The following PTH1R variants were observed in gnomAD, a reference collection of about 807,000 sequenced individuals.
PTH1R encodes the protein parathyroid hormone/parathyroid hormone-related peptide receptor.
Under a neutral mutation model 70.7 loss-of-function variants are expected in PTH1R, and 32 were observed. The ratio of observed to expected loss-of-function variants is 0.45; its 90% CI spans 0.34 to 0.61. The LOEUF (loss-of-function observed/expected upper bound fraction) is 0.61. Among genes scored for constraint, PTH1R ranks in the 20% least tolerant of loss-of-function variants. PTH1R has a pLI of 0.01. For synonymous variants in PTH1R, 329 were observed against 324.8 expected, an observed-to-expected ratio of 1.01 and a Z score of -0.14; for missense variants, 626 against 792.5, an observed-to-expected ratio of 0.79 and a Z score of 2.52.
Position 46,896,910 on chromosome 3 carries a change from G to A in PTH1R, c.314-945G>A, listed in dbSNP as rs1000199896. On this transcript the variant is annotated intron_variant, in intron 5 of 15. Transcript: ENST00000449590. The surrounding 1 kb of genome is among the most constrained non-coding windows in gnomAD (Gnocchi z 4.1). Reference sequence around the variant, plus strand: ...AGTGGCCGTGGGAGTCTCACAGCAGGTACTCAGGGCAGGCATTGAGTGGTG... The same window carrying A: ...AGTGGCCGTGGGAGTCTCACAGCAGATACTCAGGGCAGGCATTGAGTGGTG... 3.9e-5 allele frequency among the ~76,000 whole-genome samples: 6 copies of A among 152,214 alleles called. No individual in the cohort carries two copies. The highest frequency in any genetic ancestry group is 6.5e-5 in the Admixed American group (1 of 15,288).
chr3:46,902,869 C>A lies in PTH1R; in HGVS notation c.1395+79C>A, dbSNP rs772859147. ...CTTCCTCAAGGCTCATTTCTCCATTCTTCCACCCTGTTATTTCTTTGTTCC... is the reference window on the plus strand; with the variant it reads ...CTTCCTCAAGGCTCATTTCTCCATTATTCCACCCTGTTATTTCTTTGTTCC... On this transcript the variant is annotated intron_variant, in intron 15 of 15. Coordinates refer to ENST00000449590, the MANE Select transcript of PTH1R (RefSeq NM_000316.3). This position sits in a 1 kb window ranked among gnomAD's most constrained non-coding sequence, Gnocchi z 5.4. 1 of 1,566,170 alleles carries A rather than the reference C, an allele frequency of 6.4e-7. No individual in the cohort carries two copies. The highest frequency in any genetic ancestry group is 8.8e-7 in the Non-Finnish European group (1 of 1,139,740).
intron 3 of PTH1R, among the ~76,000 whole-genome samples, chr3:46,885,975 G>A (rs760682608): frequency 6.6e-6 from 1 of 152,250 alleles, no homozygotes; most frequent in Non-Finnish European, 1.5e-5. Flanking sequence ...CATTTGGGGG[G>A]CCAAAGAGCA....
At position 46,892,455 on chromosome 3, in the gene PTH1R, G is replaced by A. The variant is rs1425492208; in HGVS notation, c.76-1452G>A. Among the ~76,000 whole-genome samples the A allele has an allele frequency of 1.3e-5, 2 of 152,192 alleles. No individual in the cohort carries two copies. Among genetic ancestry groups the A allele is most frequent in the African/African-American group, 2.4e-5 (1 of 41,450 alleles). ...ACACAAGTGCACGCGCCGGCCACTC[G>A]AGAATGCGCTGCCACTCGCGCGCGC... On this transcript the variant is annotated intron_variant, in intron 3 of 15. Coordinates refer to ENST00000449590, the MANE Select transcript of PTH1R (RefSeq NM_000316.3). This position sits in a 1 kb window ranked among gnomAD's most constrained non-coding sequence, Gnocchi z 5.2.
At chr3:46,887,525 C>T (rs1054715574) in intron 3 of PTH1R, among the ~76,000 whole-genome samples, 2 of 151,236 alleles carry the variant, frequency 1.3e-5, no homozygotes, top group Non-Finnish European at 2.9e-5. Flanking sequence ...TCCTTGATCA[C>T]TCCCAAGCCC....
chr3:46,896,765 T>G lies in PTH1R; in HGVS notation c.313+896T>G, dbSNP rs1427590086. Among the ~76,000 whole-genome samples, 2 of 152,130 alleles carry G rather than the reference T, an allele frequency of 1.3e-5. No individual in the cohort carries two copies. Among genetic ancestry groups the G allele is most frequent in the Non-Finnish European group, 2.9e-5 (2 of 68,000 alleles). On this transcript the variant is annotated intron_variant, in intron 5 of 15. Coordinates refer to ENST00000449590, the MANE Select transcript of PTH1R (RefSeq NM_000316.3). The surrounding 1 kb of genome is among the most constrained non-coding windows in gnomAD (Gnocchi z 4.1). ...AGTGGAATGTGGAAGATACAGAGGC[T>G]GGGGACCCTCCAAGGTCACTTAGCC... is the stretch of plus-strand genomic sequence containing the variant.
chr3:46,901,874 G>T lies in PTH1R; in HGVS notation c.1211+14G>T, dbSNP rs762391808. On this transcript the variant is annotated intron_variant, in intron 13 of 15. Transcript: ENST00000449590. This position sits in a 1 kb window ranked among gnomAD's most constrained non-coding sequence, Gnocchi z 7.3. ...GCAGCAGTACCGGTGAGCCCACCAT[G>T]CCTGCCATGCCCTGGCTCCTCAGGG... 6.2e-7 allele frequency: 1 copy of T among 1,607,054 alleles called. No homozygotes were observed. The highest frequency in any genetic ancestry group is 1.3e-5 in the African/African-American group (1 of 74,878).
chr3:46,883,088 GC>G lies in PTH1R; in HGVS notation c.-48-419del, dbSNP rs1180331149. Among the ~76,000 whole-genome samples, 6 of 148,834 alleles carry G rather than the reference GC, an allele frequency of 4.0e-5. No individual in the cohort carries two copies. The highest frequency in any genetic ancestry group is 8.9e-5 in the Non-Finnish European group (6 of 67,154). On this transcript the variant is annotated intron_variant, in intron 2 of 15. Coordinates refer to ENST00000449590, the MANE Select transcript of PTH1R (RefSeq NM_000316.3). This position sits in a 1 kb window ranked among gnomAD's most constrained non-coding sequence, Gnocchi z 6.4. ...AGACCGCGACCCCGACCCCTCCCCC[GC>G]CCCCTCCCCCCACTGGGCGTGGGGC...
At chr3:46,900,013 C>T (rs781438934) in intron 10 of PTH1R, among the ~76,000 whole-genome samples, 2 of 152,238 alleles carry the variant, frequency 1.3e-5, no homozygotes, top group Admixed American at 1.3e-4. Context: ...CCCAGCCCCC[C>T]ACAGGCTCTG....
At position 46,893,898 on chromosome 3, in the gene PTH1R, G is replaced by T. The variant is rs1290788092; in HGVS notation, c.76-9G>T. The T allele has an allele frequency of 6.2e-7, 1 of 1,613,672 alleles. No homozygotes were observed. Among genetic ancestry groups the T allele is most frequent in the South Asian group, 1.1e-5 (1 of 90,956 alleles). On this transcript the variant is annotated splice_polypyrimidine_tract_variant and intron_variant, in intron 3 of 15. Transcript: ENST00000449590. This position sits in a 1 kb window ranked among gnomAD's most constrained non-coding sequence, Gnocchi z 5.2. ...AGTCCTGCCTGTGGTCTGACCTTCG[G>T]CTTGGCAGGTGGATGCAGATGACGT...
intron 4 of PTH1R, 116 bp from the exon 5 acceptor site, chr3:46,895,619 C>A: frequency 6.6e-7 from 1 of 1,526,358 alleles, no homozygotes; most frequent in Non-Finnish European, 9.0e-7. Context: ...CTAGGTGTCA[C>A]CAGGGCAGGA....
intron 4 of PTH1R, 69 bp downstream of exon 4, chr3:46,894,078 C>T: frequency 1.3e-6 from 2 of 1,510,686 alleles, no homozygotes; most frequent in East Asian, 2.3e-5. Flanking sequence ...GGGCGGGACC[C>T]AGGATACAGA....
intron 3 of PTH1R, among the ~76,000 whole-genome samples, chr3:46,886,283 T>C (rs990793837): frequency 6.6e-6 from 1 of 152,168 alleles, no homozygotes; most frequent in Non-Finnish European, 1.5e-5. Context: ...CACAAGAGAC[T>C]GTGGTGTGGA....
At chr3:46,898,258 G>A in intron 7 of PTH1R, 66 bp downstream of exon 7, 2 of 1,589,320 alleles carry the variant, frequency 1.3e-6, no homozygotes, top group South Asian at 1.1e-5. Flanking sequence ...GGTGACCCCT[G>A]ACCCAGCCCT....
rs2031540533 is a variant in PTH1R at position 46,893,285 on chromosome 3, G to C, written c.76-622G>C. ...ACTCCCACCCCCAGCCAGCACCAGAGTGCCCAGCCCAACCCAGGCCGCATG... is the reference window on the plus strand; with the variant it reads ...ACTCCCACCCCCAGCCAGCACCAGACTGCCCAGCCCAACCCAGGCCGCATG... On this transcript the variant is annotated intron_variant, in intron 3 of 15. Transcript: ENST00000449590. The surrounding 1 kb of genome is among the most constrained non-coding windows in gnomAD (Gnocchi z 5.2). Among the ~76,000 whole-genome samples the C allele has an allele frequency of 6.6e-6, 1 of 152,114 alleles. No individual in the cohort carries two copies. The highest frequency in any genetic ancestry group is 2.1e-4 in the South Asian group (1 of 4,830).
chr3:46,893,029 C>T lies in PTH1R; in HGVS notation c.76-878C>T, dbSNP rs770483992. Among the ~76,000 whole-genome samples the T allele has an allele frequency of 1.3e-5, 2 of 152,186 alleles. No individual in the cohort carries two copies. Among genetic ancestry groups the T allele is most frequent in the Non-Finnish European group, 2.9e-5 (2 of 68,032 alleles). On this transcript the variant is annotated intron_variant, in intron 3 of 15. Transcript: ENST00000449590. The surrounding 1 kb of genome is among the most constrained non-coding windows in gnomAD (Gnocchi z 5.2). ...AAGTCAGAGGACAGAGGCTGAGACC[C>T]CTCAGCAGCCACCTGCTCTGGGTGA... is the stretch of plus-strand genomic sequence containing the variant.
At position 46,883,690 on chromosome 3, in the gene PTH1R, G is replaced by A; in HGVS notation, c.75+56G>A. The A allele has an allele frequency of 2.6e-6, 4 of 1,538,778 alleles. No individual in the cohort carries two copies. Among genetic ancestry groups the A allele is most frequent in the Non-Finnish European group, 3.5e-6 (4 of 1,142,524 alleles). On this transcript the variant is annotated intron_variant, in intron 3 of 15. Transcript: ENST00000449590. The surrounding 1 kb of genome is among the most constrained non-coding windows in gnomAD (Gnocchi z 6.4). ...AGGCTGCGGGCTTACCCTAGGGTCC[G>A]CGGGATAGGTCTAAGGCACGCAGTC...
chr3:46,895,094 A>AAAAAAAAAAC (rs2031670935), intron 4 of PTH1R, among the ~76,000 whole-genome samples: 1 of 49,158 alleles, frequency 2.0e-5, no homozygotes. Flanking sequence ...CAAACAAACA[A>AAAAAAAAAAC]AAAAAAAAAA....
chr3:46,879,660 T>C lies in PTH1R; in HGVS notation c.-105-1402T>C, dbSNP rs1411308311. ...TACATGAGAGGCTGAGGTGAGAGGA[T>C]TGCTTGAGCCCAGGAGGTCAAGGCT... On this transcript the variant is annotated intron_variant, in intron 1 of 15. Coordinates refer to ENST00000449590, the MANE Select transcript of PTH1R (RefSeq NM_000316.3). The surrounding 1 kb of genome is among the most constrained non-coding windows in gnomAD (Gnocchi z 4.7). 6.6e-6 allele frequency among the ~76,000 whole-genome samples: 1 copy of C among 151,742 alleles called. No homozygotes were observed. Among genetic ancestry groups the C allele is most frequent in the Non-Finnish European group, 1.5e-5 (1 of 67,898 alleles).
chr3:46,881,292 C>T (rs1384127381), intron 2 of PTH1R, among the ~76,000 whole-genome samples, 174 bp downstream of exon 2: 1 of 152,216 alleles, frequency 6.6e-6, no homozygotes, highest in Non-Finnish European at 1.5e-5. Context: ...CGAAGGGCCC[C>T]TCCTCTTAGA....
Sources: gnomAD v4.1 joint callset for allele counts (sites outside exome capture counted in the v4.1 genomes callset) on GRCh38, gnomAD v4.1.1 for gene constraint, Gnocchi (gnomAD v3.1) non-coding constraint, MANE v1.5 for transcripts, NCBI Gene and HGNC (gene_info 2026-07-23, HGNC 2026-07-21) for gene names.